MDGA2: variants seen among roughly 807,000 people sequenced by gnomAD.
The protein encoded by MDGA2 is MAM domain containing glycosylphosphatidylinositol anchor 2.
MDGA2 carries 40 observed loss-of-function variants against 117.8 expected under a neutral mutation model. The observed-to-expected ratio is 0.34, with a 90% CI of 0.26 to 0.44. The LOEUF is 0.44. Among genes scored for constraint, MDGA2 ranks in the 20% least tolerant of loss-of-function variants. The probability of loss-of-function intolerance (pLI) is 1.00; values close to 1 mark genes in which losing one functional copy is unlikely to be tolerated. For synonymous variants in MDGA2, 452 were observed against 439.0 expected, an observed-to-expected ratio of 1.03 and a Z score of -0.37; for missense variants, 1,123 against 1,250.6, an observed-to-expected ratio of 0.90 and a Z score of 1.54.
At chr14:47,125,107 T>C (rs1881834763) in intron 5 of MDGA2, among the ~76,000 whole-genome samples, 1 of 152,128 alleles carries the variant, frequency 6.6e-6, no homozygotes, top group Non-Finnish European at 1.5e-5. Context: ...CTAGATGCTA[T>C]GAAGATCATC....
At chr14:46,958,526 G>A (rs1885653993) in intron 8 of MDGA2, among the ~76,000 whole-genome samples, 1 of 152,160 alleles carries the variant, frequency 6.6e-6, no homozygotes. Flanking sequence ...AAACCACAGA[G>A]GGAAGAGACA....
At chr14:46,854,986 A>ATT (rs1319709013) in intron 15 of MDGA2, 38 bp downstream of exon 15, 2 of 1,539,132 alleles carry the variant, frequency 1.3e-6, no homozygotes, top group Admixed American at 2.0e-5. Context: ...TATTATGCTC[A>ATT]TTTACAGCAA....
rs146462933 is a variant in MDGA2 at position 47,433,238 on chromosome 14, C to G, written c.281-131688G>C. On this transcript the variant is annotated intron_variant, in intron 1 of 16. Transcript: ENST00000399232. Reference sequence around the variant, plus strand: ...ATTTTAATACTATTAGACATAGAAACCTTAAAACAGCAGAGTTGTCCTTCT... The same window carrying G: ...ATTTTAATACTATTAGACATAGAAAGCTTAAAACAGCAGAGTTGTCCTTCT... 3.3e-3 allele frequency among the ~76,000 whole-genome samples: 505 copies of G among 151,980 alleles called. 7 individuals carry two copies. The highest frequency in any genetic ancestry group is 0.011 in the African/African-American group (471 of 41,460).
At chr14:47,222,567 A>T (rs532310950) in intron 2 of MDGA2, among the ~76,000 whole-genome samples, 78 of 152,240 alleles carry the variant, frequency 5.1e-4, no homozygotes, top group Non-Finnish European at 9.6e-4. Context: ...AAGAGGAAAT[A>T]CAGGACAAAC....
intron 8 of MDGA2, among the ~76,000 whole-genome samples, chr14:46,975,497 A>G (rs987210778): frequency 2.6e-5 from 4 of 152,164 alleles, no homozygotes; most frequent in African/African-American, 2.4e-5. Flanking sequence ...ATACAATAGA[A>G]TATCAATCAG....
At chr14:47,286,456 T>C (rs1888672733) in intron 2 of MDGA2, among the ~76,000 whole-genome samples, 1 of 152,080 alleles carries the variant, frequency 6.6e-6, no homozygotes, top group Non-Finnish European at 1.5e-5. Flanking sequence ...TTGTAGCTCT[T>C]ACATGTTAGT....
chr14:46,936,277 A>T (rs777595854), intron 9 of MDGA2, among the ~76,000 whole-genome samples: 1 of 152,114 alleles, frequency 6.6e-6, no homozygotes, highest in Non-Finnish European at 1.5e-5. Context: ...AGGGACAATC[A>T]GAGAACAGAT....
At chr14:47,402,341 C>CTA (rs1405109088) in intron 1 of MDGA2, among the ~76,000 whole-genome samples, 2 of 131,302 alleles carry the variant, frequency 1.5e-5, no homozygotes, top group Non-Finnish European at 1.6e-5. Context: ...CCCCCGCCCC[C>CTA]CCACCCCGCA....
At chr14:47,172,878 G>C (rs529877207) in intron 3 of MDGA2, among the ~76,000 whole-genome samples, 1 of 152,176 alleles carries the variant, frequency 6.6e-6, no homozygotes, top group South Asian at 2.1e-4. Context: ...TCAAACCAAA[G>C]GCAAAGAAGT....
intron 10 of MDGA2, 82 bp from the exon 11 acceptor site, chr14:46,882,303 T>A: frequency 8.0e-7 from 1 of 1,244,756 alleles, no homozygotes; most frequent in Non-Finnish European, 1.1e-6. Context: ...ATTTTGAAAT[T>A]TTATTAAATC....
At chr14:47,173,041 G>C (rs1459755134) in intron 3 of MDGA2, among the ~76,000 whole-genome samples, 1 of 152,124 alleles carries the variant, frequency 6.6e-6, no homozygotes, top group African/African-American at 2.4e-5. Context: ...CTGGAAGAAA[G>C]GGTATCAGTG....
At chr14:47,172,840 C>G (rs568003188) in intron 3 of MDGA2, among the ~76,000 whole-genome samples, 131 of 152,240 alleles carry the variant, frequency 8.6e-4, no homozygotes, top group Non-Finnish European at 1.0e-3. Context: ...TTCAGACGAT[C>G]AAACTACTCC....
intron 7 of MDGA2, among the ~76,000 whole-genome samples, chr14:47,043,138 A>G (rs947316689): frequency 6.6e-6 from 1 of 152,054 alleles, no homozygotes. Flanking sequence ...TTTTTAAAAT[A>G]CAGTAATGTG....
intron 6 of MDGA2, among the ~76,000 whole-genome samples, chr14:47,076,418 C>T (rs1890493314): frequency 6.6e-6 from 1 of 151,974 alleles, no homozygotes; most frequent in Admixed American, 6.6e-5. Flanking sequence ...TAACATATGA[C>T]TCTCTGAAAG....
At chr14:47,016,829 G>A (rs1010887396) in intron 8 of MDGA2, among the ~76,000 whole-genome samples, 1 of 151,942 alleles carries the variant, frequency 6.6e-6, no homozygotes, top group Non-Finnish European at 1.5e-5. Flanking sequence ...AATCCACCTC[G>A]TATAGATCCA....
chr14:46,993,550 C>A (rs1887175256), intron 8 of MDGA2, among the ~76,000 whole-genome samples: 1 of 151,828 alleles, frequency 6.6e-6, no homozygotes, highest in Non-Finnish European at 1.5e-5. Flanking sequence ...CAACCTATGC[C>A]TCCCGAGTTC....
At chr14:47,158,927 G>A (rs558008907) in intron 3 of MDGA2, among the ~76,000 whole-genome samples, 1 of 152,292 alleles carries the variant, frequency 6.6e-6, no homozygotes, top group African/African-American at 2.4e-5. Context: ...ATGAGTAGGT[G>A]AAAGAAGCCA....
At chr14:47,632,420 C>T (rs958914783) in intron 1 of MDGA2, among the ~76,000 whole-genome samples, 2 of 152,112 alleles carry the variant, frequency 1.3e-5, no homozygotes, top group Non-Finnish European at 2.9e-5. Flanking sequence ...TATCTAGTAC[C>T]TAAATTACTA....
chr14:46,909,125 G>A lies in MDGA2; in HGVS notation c.2238+10887C>T, dbSNP rs991230866. Among the ~76,000 whole-genome samples, 95 of 152,128 alleles carry A rather than the reference G, an allele frequency of 6.2e-4. 2 individuals carry two copies. The highest frequency in any genetic ancestry group is 2.2e-3 in the African/African-American group (92 of 41,488). Reference sequence around the variant, plus strand: ...TGAGATCATGGATATTTTCTGTCTGGTGCACTTCCTATCTCATGTACACAT... The same window carrying A: ...TGAGATCATGGATATTTTCTGTCTGATGCACTTCCTATCTCATGTACACAT... On this transcript the variant is annotated intron_variant, in intron 10 of 16. Transcript: ENST00000399232.
Sources: allele counts gnomAD v4.1 joint callset (sites outside exome capture counted in the v4.1 genomes callset), GRCh38; gene constraint gnomAD v4.1.1; transcripts MANE v1.5; gene names NCBI Gene and HGNC (gene_info 2026-07-23, HGNC 2026-07-21).